The following WWTR1 variants were observed in gnomAD, a reference collection of about 807,000 sequenced individuals.
WWTR1 encodes WW domain-containing transcription regulator protein 1.
Under a neutral mutation model 40.1 loss-of-function variants are expected in WWTR1, and 13 were observed. The ratio of observed to expected loss-of-function variants is 0.32; its 90% CI spans 0.21 to 0.52. WWTR1 has a LOEUF of 0.52. Among genes scored for constraint, WWTR1 ranks in the 20% least tolerant of loss-of-function variants. WWTR1 has a pLI of 0.97. For synonymous variants in WWTR1, 230 were observed against 210.1 expected (o/e 1.09, Z -0.82); for missense variants, 436 against 523.1 (o/e 0.83, Z 1.63).
chr3:149,665,199 A>G (rs952352960), intron 2 of WWTR1, among the ~76,000 whole-genome samples: 1 of 151,470 alleles, frequency 6.6e-6, no homozygotes, highest in Non-Finnish European at 1.5e-5. Flanking sequence ...GATCTATAAT[A>G]ACGGGAAATT....
At chr3:149,536,362 A>G (rs1281664650) in intron 4 of WWTR1, among the ~76,000 whole-genome samples, 1 of 152,342 alleles carries the variant, frequency 6.6e-6, no homozygotes, top group Non-Finnish European at 1.5e-5. Flanking sequence ...TAAAAGTTAA[A>G]TAGTCCCCTG....
intron 2 of WWTR1, among the ~76,000 whole-genome samples, chr3:149,582,463 C>T (rs547980039): frequency 6.6e-6 from 1 of 151,798 alleles, no homozygotes; most frequent in African/African-American, 2.4e-5. Context: ...CAGTGGCTCA[C>T]GCCTGTAATC....
intron 2 of WWTR1, among the ~76,000 whole-genome samples, chr3:149,592,170 A>G (rs2108032421): frequency 6.6e-6 from 1 of 152,338 alleles, no homozygotes; most frequent in African/African-American, 2.4e-5. Context: ...ACTGAATGTT[A>G]TATTCCTCTC....
chr3:149,700,498 A>G (rs911117336), intron 1 of WWTR1, among the ~76,000 whole-genome samples: 12 of 152,194 alleles, frequency 7.9e-5, no homozygotes, highest in Non-Finnish European at 4.4e-5. Flanking sequence ...GCTCAATTTC[A>G]GAAACTGTAA....
At chr3:149,548,974 T>C (rs968757350) in intron 3 of WWTR1, among the ~76,000 whole-genome samples, 1 of 152,270 alleles carries the variant, frequency 6.6e-6, no homozygotes. Context: ...AATAGGGAGT[T>C]TTCACAGGCT....
chr3:149,534,408 G>A (rs1213064934), intron 4 of WWTR1, among the ~76,000 whole-genome samples: 1 of 152,048 alleles, frequency 6.6e-6, no homozygotes, highest in Non-Finnish European at 1.5e-5. Flanking sequence ...TCACTTTTCC[G>A]AGCCTGTTTT....
At chr3:149,651,992 A>ATTTT (rs368845286) in intron 2 of WWTR1, among the ~76,000 whole-genome samples, 24,114 of 92,858 alleles carry the variant, frequency 0.26, 3,121 homozygotes, top group Middle Eastern at 0.37. Context: ...CGCCCGGCTA[A>ATTTT]TTTTTTTTTT....
At chr3:149,578,796 C>A (rs554936037) in intron 2 of WWTR1, among the ~76,000 whole-genome samples, 1 of 152,200 alleles carries the variant, frequency 6.6e-6, no homozygotes, top group Admixed American at 6.5e-5. Context: ...AAGAGAAACA[C>A]TTGAACCGGG....
At chr3:149,608,250 A>G (rs1022307632) in intron 2 of WWTR1, among the ~76,000 whole-genome samples, 10 of 152,274 alleles carry the variant, frequency 6.6e-5, no homozygotes, top group Non-Finnish European at 1.2e-4. Flanking sequence ...TTAGAATACT[A>G]ATATGTACAT....
At chr3:149,688,210 G>T (rs1714713511) in intron 1 of WWTR1, among the ~76,000 whole-genome samples, 1 of 152,092 alleles carries the variant, frequency 6.6e-6, no homozygotes, top group African/African-American at 2.4e-5. Context: ...GGAACCCACT[G>T]CCCTGAAGGG....
At chr3:149,665,927 G>C (rs549126943) in intron 2 of WWTR1, among the ~76,000 whole-genome samples, 1 of 152,218 alleles carries the variant, frequency 6.6e-6, no homozygotes, top group Admixed American at 6.5e-5. Context: ...GCAGTGTTTG[G>C]GGTGGGGGGA....
At chr3:149,534,238 C>A (rs1735723102) in intron 4 of WWTR1, among the ~76,000 whole-genome samples, 1 of 152,056 alleles carries the variant, frequency 6.6e-6, no homozygotes, top group African/African-American at 2.4e-5. Context: ...CTCGTGACAA[C>A]CCAATTGTCT....
At chr3:149,628,396 T>C (rs1366541767) in intron 2 of WWTR1, among the ~76,000 whole-genome samples, 1 of 152,098 alleles carries the variant, frequency 6.6e-6, no homozygotes, top group African/African-American at 2.4e-5. Flanking sequence ...AAACAAAACT[T>C]ATTAAGCCAG....
At chr3:149,631,771 C>A (rs1316289016) in intron 2 of WWTR1, among the ~76,000 whole-genome samples, 3 of 152,166 alleles carry the variant, frequency 2.0e-5, no homozygotes, top group Admixed American at 2.0e-4. Flanking sequence ...AGGCCATTAA[C>A]ACACACGAAG....
intron 2 of WWTR1, among the ~76,000 whole-genome samples, chr3:149,627,268 T>TATTC (rs1302787013): frequency 6.6e-6 from 1 of 152,202 alleles, no homozygotes; most frequent in Non-Finnish European, 1.5e-5. Flanking sequence ...ACCCATGATC[T>TATTC]ATTCCCCTTC....
At chr3:149,651,925 G>A (rs1712895286) in intron 2 of WWTR1, among the ~76,000 whole-genome samples, 1 of 150,356 alleles carries the variant, frequency 6.7e-6, no homozygotes, top group South Asian at 2.1e-4. Context: ...CGCCTCCGGG[G>A]TTCACACCAT....
In WWTR1 at chr3:149,712,203, T is replaced by C. The variant is rs74996585; in HGVS notation, n.584+5239A>G. ...TACTTTTGAGGCTGAGGTGGGAGGATTGAGGCCAGGAGTTCGAGGCTGTAG... is the reference window on the plus strand; with the variant it reads ...TACTTTTGAGGCTGAGGTGGGAGGACTGAGGCCAGGAGTTCGAGGCTGTAG... On this transcript the variant is annotated intron_variant and non_coding_transcript_variant, in intron 5 of 6. Coordinates refer to the WWTR1 transcript ENST00000474080. Among the ~76,000 whole-genome samples the C allele has an allele frequency of 4.1e-3, 628 of 152,302 alleles. 5 individuals carry two copies. The highest frequency in any genetic ancestry group is 0.014 in the African/African-American group (602 of 41,570).
rs1451311955 is a variant in WWTR1 at position 149,570,564 on chromosome 3, T to A, written c.568+2300A>T. ...GCCCGGATGACAGGGTGAGCCTCTT[T>A]CTCAAAATAATAATAATAATAATAA... On this transcript the variant is annotated intron_variant, in intron 3 of 6. Transcript: ENST00000360632. Among the ~76,000 whole-genome samples, 6 of 132,332 alleles carry A rather than the reference T, an allele frequency of 4.5e-5. No individual in the cohort carries two copies. The Admixed American group carries it at 4.8e-4, about 11-fold the overall frequency. The allele number at this position is 132,332 out of a possible 152,430, so 86.8% of individuals were successfully genotyped here. A position where few individuals can be genotyped will look rare whatever the true frequency, so the allele number is the denominator to read the frequency against.
chr3:149,534,168 T>TA (rs889862040), intron 4 of WWTR1, among the ~76,000 whole-genome samples: 9 of 150,310 alleles, frequency 6.0e-5, no homozygotes, highest in East Asian at 1.9e-4. Context: ...AGACTCTGTC[T>TA]AAAAAAAAAG....
Sources: allele counts gnomAD v4.1 joint callset (sites outside exome capture counted in the v4.1 genomes callset), GRCh38; gene constraint gnomAD v4.1.1; transcripts MANE v1.5; gene names NCBI Gene and HGNC (gene_info 2026-07-23, HGNC 2026-07-21).